Variants in PDE4D observed in about 807,000 individuals in gnomAD.
The protein encoded by PDE4D is 3',5'-cyclic-AMP phosphodiesterase 4D.
PDE4D carries 24 observed loss-of-function variants against 87.4 expected under a neutral mutation model. The ratio of observed to expected loss-of-function variants is 0.27; its 90% CI spans 0.20 to 0.39. The LOEUF (loss-of-function observed/expected upper bound fraction) is 0.39, where lower values mean the gene tolerates loss of function less well. Among genes scored for constraint, PDE4D ranks in the 10% least tolerant of loss-of-function variants. The pLI is 1.00. For missense variants in PDE4D, 714 were observed against 1,041.0 expected, an observed-to-expected ratio of 0.69 and a Z score of 4.32; for synonymous variants, 384 against 383.2, an observed-to-expected ratio of 1.00 and a Z score of -0.02.
intron 1 of PDE4D, among the ~76,000 whole-genome samples, chr5:59,754,627 A>G (rs1402973279): frequency 6.6e-6 from 1 of 152,140 alleles, no homozygotes; most frequent in Non-Finnish European, 1.5e-5. Context: ...TCTAGCATGG[A>G]AAGTAATTAG....
intron 2 of PDE4D, among the ~76,000 whole-genome samples, chr5:60,083,151 T>C (rs1175256768): frequency 6.6e-6 from 1 of 152,212 alleles, no homozygotes; most frequent in Non-Finnish European, 1.5e-5. Flanking sequence ...GCTCATTTTA[T>C]TTACCACCTT....
At chr5:59,748,949 C>T (rs1760027509) in intron 1 of PDE4D, among the ~76,000 whole-genome samples, 2 of 152,200 alleles carry the variant, frequency 1.3e-5, no homozygotes, top group African/African-American at 4.8e-5. Context: ...CCAGATACAG[C>T]TTCAGATGAC....
At chr5:59,444,077 C>T (rs1433456240) in intron 1 of PDE4D, among the ~76,000 whole-genome samples, 9 of 152,204 alleles carry the variant, frequency 5.9e-5, no homozygotes, top group Admixed American at 1.3e-4. Flanking sequence ...ACGACACGCT[C>T]TTCACAGGGA....
chr5:60,033,357 G>T (rs1192919008), intron 2 of PDE4D, among the ~76,000 whole-genome samples: 2 of 152,066 alleles, frequency 1.3e-5, no homozygotes, highest in Non-Finnish European at 2.9e-5. Context: ...GATTTTCAAA[G>T]AAAAGATATT....
intron 1 of PDE4D, among the ~76,000 whole-genome samples, chr5:59,284,137 C>A (rs996720161): frequency 3.3e-5 from 5 of 152,116 alleles, no homozygotes; most frequent in Non-Finnish European, 5.9e-5. Flanking sequence ...TCTTTTTGAT[C>A]AAGAGTTAAA....
chr5:59,139,809 A>AG (rs568065737), intron 5 of PDE4D, among the ~76,000 whole-genome samples: 173 of 152,142 alleles, frequency 1.1e-3, no homozygotes, highest in African/African-American at 3.8e-3. Flanking sequence ...AAACTAAAAA[A>AG]CTAAAAAAAC....
At position 60,388,258 on chromosome 5, in the gene PDE4D, G is replaced by T. The variant is rs1762329296; in HGVS notation, c.-90+99684C>A. 2.0e-5 allele frequency among the ~76,000 whole-genome samples: 3 copies of T among 152,018 alleles called. No individual in the cohort carries two copies. In the South Asian group the frequency reaches 6.2e-4, roughly 32 times the overall value. ...AAATGTGATTGGACAAAAAGTGCATGATCTAAACCCATCAATGCCTATCTA... is the reference window on the plus strand; with the variant it reads ...AAATGTGATTGGACAAAAAGTGCATTATCTAAACCCATCAATGCCTATCTA... On this transcript the variant is annotated intron_variant, in intron 1 of 16. Transcript: ENST00000502484.
intron 1 of PDE4D, among the ~76,000 whole-genome samples, chr5:59,346,035 G>A (rs1344631936): frequency 1.3e-5 from 2 of 152,074 alleles, no homozygotes; most frequent in African/African-American, 4.8e-5. Context: ...CTAACAAAAT[G>A]AGAATAAAGA....
At chr5:59,035,114 G>C (rs1200752574) in intron 6 of PDE4D, among the ~76,000 whole-genome samples, 1 of 152,204 alleles carries the variant, frequency 6.6e-6, no homozygotes, top group South Asian at 2.1e-4. Flanking sequence ...TTCCATGAGA[G>C]AAAGGTAACC....
intron 1 of PDE4D, among the ~76,000 whole-genome samples, chr5:59,593,837 G>A (rs1392688139): frequency 6.6e-6 from 1 of 152,170 alleles, no homozygotes; most frequent in East Asian, 1.9e-4. Flanking sequence ...AATTCTGTGT[G>A]TTTTACCTCC....
chr5:60,341,107 A>T (rs1489079282), intron 1 of PDE4D, among the ~76,000 whole-genome samples: 2 of 151,700 alleles, frequency 1.3e-5, no homozygotes, highest in Non-Finnish European at 2.9e-5. Context: ...ATATCTTGAA[A>T]CTGTTCTGAA....
Position 58,990,910 on chromosome 5 carries a change from G to GAAAA in PDE4D, c.1189-12_1189-9dup. 9.2e-7 allele frequency: 1 copy of GAAAA among 1,081,730 alleles called. No individual in the cohort carries two copies. Among genetic ancestry groups the GAAAA allele is most frequent in the Non-Finnish European group, 1.3e-6 (1 of 765,312 alleles). 67.0% of individuals were successfully genotyped at this position (1,081,730 alleles called of 1,614,324 possible). On this transcript the variant is annotated splice_polypyrimidine_tract_variant and intron_variant, in intron 8 of 14. Coordinates refer to ENST00000340635, the MANE Select transcript of PDE4D (RefSeq NM_001104631.2). ...GTTCACATCTTCTAGTTCCTGGAGT[G>GAAAA]AAAAAAAAAAAAAGATACTAAAATA...
In PDE4D at chr5:59,053,645, G is replaced by GTTTTTTTTTTTTTT. The variant is rs1338731940; in HGVS notation, c.809-14675_809-14674insAAAAAAAAAAAAAA. Among the ~76,000 whole-genome samples, 33 of 68,782 alleles carry GTTTTTTTTTTTTTT rather than the reference G, an allele frequency of 4.8e-4. 1 individual carries two copies. Among genetic ancestry groups the GTTTTTTTTTTTTTT allele is most frequent in the East Asian group, 1.2e-3 (2 of 1,610 alleles). 45.1% of individuals were successfully genotyped at this position (68,782 alleles called of 152,430 possible). On this transcript the variant is annotated intron_variant, in intron 5 of 14. Coordinates refer to ENST00000340635, the MANE Select transcript of PDE4D (RefSeq NM_001104631.2). ...TATGAATTAAGTTGTTTTGTTTTTTGTTTTTTTTTGTTGTTGTTTTTTTTT... is the reference window on the plus strand; with the variant it reads ...TATGAATTAAGTTGTTTTGTTTTTTGTTTTTTTTTTTTTTTTTTTTTTTGTTGTTGTTTTTTTTT...
chr5:59,338,577 C>T (rs928562947), intron 1 of PDE4D, among the ~76,000 whole-genome samples: 6 of 152,136 alleles, frequency 3.9e-5, no homozygotes, highest in Non-Finnish European at 8.8e-5. Context: ...AAGTCATTAC[C>T]ATTAAGTCCA....
intron 1 of PDE4D, among the ~76,000 whole-genome samples, chr5:59,453,479 T>C (rs1002118589): frequency 6.6e-6 from 1 of 152,222 alleles, no homozygotes; most frequent in Non-Finnish European, 1.5e-5. Context: ...GCAAAAGTAA[T>C]ATTCTTGAAG....
intron 5 of PDE4D, among the ~76,000 whole-genome samples, chr5:59,073,524 T>TGGG (rs1765212399): frequency 7.7e-6 from 1 of 130,710 alleles, no homozygotes; most frequent in Non-Finnish European, 1.7e-5. Context: ...GGCGGGTGGT[T>TGGG]GGAGATGAGG....
intron 2 of PDE4D, among the ~76,000 whole-genome samples, chr5:60,077,940 G>A (rs375282887): frequency 1.3e-5 from 2 of 152,252 alleles, no homozygotes; most frequent in African/African-American, 2.4e-5. Context: ...ATTGCTCAGG[G>A]TTCCCAGCTT....
chr5:59,751,230 A>G (rs928464465), intron 1 of PDE4D, among the ~76,000 whole-genome samples: 1 of 152,188 alleles, frequency 6.6e-6, no homozygotes, highest in African/African-American at 2.4e-5. Context: ...AGTAAGAAGG[A>G]AGGCACAGTC....
intron 1 of PDE4D, among the ~76,000 whole-genome samples, chr5:59,328,482 C>T (rs1776114790): frequency 6.6e-6 from 1 of 152,138 alleles, no homozygotes; most frequent in Non-Finnish European, 1.5e-5. Context: ...CTGTATTTAA[C>T]ATATACATAT....
Sources: gnomAD v4.1 joint callset for allele counts (sites outside exome capture counted in the v4.1 genomes callset) on GRCh38, gnomAD v4.1.1 for gene constraint, MANE v1.5 for transcripts, NCBI Gene and HGNC (gene_info 2026-07-23, HGNC 2026-07-21) for gene names.